The following PCDH7 variants were observed in gnomAD, a reference collection of about 807,000 sequenced individuals.
PCDH7 encodes protocadherin-7.
PCDH7 carries 17 observed loss-of-function variants against 58.9 expected under a neutral mutation model. The observed-to-expected ratio is 0.29, with a 90% CI of 0.20 to 0.43. The LOEUF (loss-of-function observed/expected upper bound fraction) is 0.43. Ranked by LOEUF, PCDH7 falls within the 20% of genes least tolerant of loss-of-function variation. The probability of loss-of-function intolerance (pLI) is 1.00; values close to 1 mark genes in which losing one functional copy is unlikely to be tolerated. For missense variants in PCDH7, 1,274 were observed against 1,441.0 expected, an observed-to-expected ratio of 0.88 and a Z score of 1.88; for synonymous variants, 664 against 616.4, an observed-to-expected ratio of 1.08 and a Z score of -1.14.
intron 1 of PCDH7, among the ~76,000 whole-genome samples, chr4:30,738,007 C>T (rs899518446): frequency 6.6e-6 from 1 of 152,140 alleles, no homozygotes; most frequent in African/African-American, 2.4e-5. Flanking sequence ...CTGTAGGTCT[C>T]TGCCTTCTCT....
intron 1 of PCDH7, among the ~76,000 whole-genome samples, chr4:30,844,520 C>G (rs1268536012): frequency 6.6e-6 from 1 of 152,058 alleles, no homozygotes; most frequent in African/African-American, 2.4e-5. Context: ...TGGAGCTTTT[C>G]TAGCTTTTTC....
intron 2 of PCDH7, among the ~76,000 whole-genome samples, chr4:30,936,902 A>G (rs180706428): frequency 6.6e-6 from 1 of 152,174 alleles, no homozygotes; most frequent in Admixed American, 6.6e-5. Context: ...TGCTTTATTT[A>G]TGGTTCAACT....
chr4:31,090,799 T>C (rs1283035344), intron 3 of PCDH7, among the ~76,000 whole-genome samples: 1 of 152,066 alleles, frequency 6.6e-6, no homozygotes, highest in Admixed American at 6.6e-5. Flanking sequence ...TTTTTTCTGT[T>C]CTAAAATGTA....
intron 1 of PCDH7, among the ~76,000 whole-genome samples, chr4:30,833,667 G>T (rs1730096327): frequency 6.6e-6 from 1 of 152,154 alleles, no homozygotes; most frequent in African/African-American, 2.4e-5. Context: ...CAAAGGTGCA[G>T]CTAAGGATTG....
chr4:30,760,029 G>T (rs1372482160), intron 1 of PCDH7, among the ~76,000 whole-genome samples: 1 of 151,574 alleles, frequency 6.6e-6, no homozygotes, highest in Non-Finnish European at 1.5e-5. Flanking sequence ...AGGTGGGCAT[G>T]AAACATAAAC....
intron 1 of PCDH7, among the ~76,000 whole-genome samples, chr4:30,917,009 T>A (rs1236708038): frequency 6.6e-6 from 1 of 152,182 alleles, no homozygotes; most frequent in Non-Finnish European, 1.5e-5. Flanking sequence ...TATCAGTAAT[T>A]AACAAAGTGA....
intron 3 of PCDH7, among the ~76,000 whole-genome samples, chr4:31,041,179 G>A (rs958745919): frequency 9.2e-5 from 14 of 152,014 alleles, no homozygotes; most frequent in East Asian, 3.9e-4. Flanking sequence ...CTACCAATAC[G>A]TCTTCCTGAA....
At chr4:30,813,738 T>TGC (rs1727295133) in intron 1 of PCDH7, among the ~76,000 whole-genome samples, 1 of 152,122 alleles carries the variant, frequency 6.6e-6, no homozygotes, top group South Asian at 2.1e-4. Context: ...ACCTTCTGGT[T>TGC]TCAAGCAATT....
At position 30,886,923 on chromosome 4, in the gene PCDH7, T is replaced by A. The variant is rs573348488; in HGVS notation, c.71-33230T>A. 2.3e-4 allele frequency among the ~76,000 whole-genome samples: 31 copies of A among 136,488 alleles called. 1 individual carries two copies. The highest frequency in any genetic ancestry group is 8.5e-4 in the African/African-American group (30 of 35,466). 89.5% of individuals were successfully genotyped at this position (136,488 alleles called of 152,430 possible). A position where few individuals can be genotyped will look rare whatever the true frequency, so the allele number is the denominator to read the frequency against. On this transcript the variant is annotated intron_variant, in intron 1 of 3. Transcript: ENST00000509759. ...TCACTCATAGGTGGGAATTGAACAA[T>A]GAGATCACATGGACACAGGAAGGGG...
At chr4:31,079,674 A>T (rs1759339656) in intron 3 of PCDH7, among the ~76,000 whole-genome samples, 1 of 151,984 alleles carries the variant, frequency 6.6e-6, no homozygotes, top group Admixed American at 6.6e-5. Flanking sequence ...CACATCCCAT[A>T]ACACATTAAT....
At chr4:30,757,666 C>T (rs929719923) in intron 1 of PCDH7, among the ~76,000 whole-genome samples, 6 of 152,206 alleles carry the variant, frequency 3.9e-5, no homozygotes, top group African/African-American at 1.4e-4. Flanking sequence ...CCTCCCACGC[C>T]AAATGAGTTG....
intron 3 of PCDH7, among the ~76,000 whole-genome samples, chr4:31,053,600 A>G (rs78664573): frequency 6.6e-6 from 1 of 152,062 alleles, no homozygotes; most frequent in Admixed American, 6.6e-5. Context: ...ATAAAAAATC[A>G]GTTTGATTTC....
At chr4:30,794,516 T>A (rs1382102798) in intron 1 of PCDH7, among the ~76,000 whole-genome samples, 1 of 152,232 alleles carries the variant, frequency 6.6e-6, no homozygotes, top group Non-Finnish European at 1.5e-5. Flanking sequence ...TTAGAATTGT[T>A]ACATAATTCA....
chr4:31,038,868 G>T (rs1261322583), intron 3 of PCDH7, among the ~76,000 whole-genome samples: 2 of 152,038 alleles, frequency 1.3e-5, no homozygotes, highest in Non-Finnish European at 2.9e-5. Context: ...GTATTTAAAA[G>T]TTCCAGTCCA....
At chr4:30,853,459 A>C (rs1733040833) in intron 1 of PCDH7, among the ~76,000 whole-genome samples, 1 of 152,114 alleles carries the variant, frequency 6.6e-6, no homozygotes, top group South Asian at 2.1e-4. Context: ...GCCCACCAGG[A>C]TAATTTGGGA....
intron 1 of PCDH7, among the ~76,000 whole-genome samples, chr4:30,907,842 A>C (rs1741175484): frequency 6.6e-6 from 1 of 152,208 alleles, no homozygotes. Flanking sequence ...AAAGACTTGA[A>C]ACCAATCCAA....
chr4:30,879,942 A>G (rs1417339181), intron 1 of PCDH7, among the ~76,000 whole-genome samples: 1 of 152,112 alleles, frequency 6.6e-6, no homozygotes, highest in Non-Finnish European at 1.5e-5. Context: ...ACCCTGATAC[A>G]TGTTTCTAAA....
rs1560608468 is a variant in PCDH7 at position 31,056,446 on chromosome 4, GAAAGAAAGAAA to G, written c.*8-86026_*8-86016del. 9.7e-4 allele frequency among the ~76,000 whole-genome samples: 35 copies of G among 36,216 alleles called. 1 individual carries two copies. Among genetic ancestry groups the G allele is most frequent in the African/African-American group, 9.3e-3 (35 of 3,750 alleles). The allele number at this position is 36,216 out of a possible 152,430, so 23.8% of individuals were successfully genotyped here. ...AAGGAAAGAAAAAGAAAGAAGGAAA[GAAAGAAAGAAA>G]GAAGAAAGAAAGAAAGAAAGAAAGA... On this transcript the variant is annotated intron_variant, in intron 3 of 3. Transcript: ENST00000509759.
chr4:31,043,210 G>C lies in PCDH7; in HGVS notation c.*7+92995G>C, dbSNP rs189332607. Among the ~76,000 whole-genome samples the C allele has an allele frequency of 3.0e-4, 45 of 152,160 alleles. 2 individuals carry two copies. The highest frequency in any genetic ancestry group is 9.6e-4 in the African/African-American group (40 of 41,556). ...GGAGGGGACAACTATTCAAACCATA[G>C]CATCTGGCATAAAATAATGTGCTTC... On this transcript the variant is annotated intron_variant, in intron 3 of 3. Transcript: ENST00000509759.
Sources: gnomAD v4.1 joint callset for allele counts (sites outside exome capture counted in the v4.1 genomes callset) on GRCh38, gnomAD v4.1.1 for gene constraint, MANE v1.5 for transcripts, NCBI Gene and HGNC (gene_info 2026-07-23, HGNC 2026-07-21) for gene names.